Variants in HEXIM2 observed in about 807,000 individuals in gnomAD.
HEXIM2 encodes the protein HEXIM P-TEFb complex subunit 2.
For synonymous variants in HEXIM2, 159 were observed against 162.7 expected (o/e 0.98, Z 0.17); for missense variants, 413 against 390.8 (o/e 1.06, Z -0.48).
At chr17:45,160,392 C>CG (rs1035611120), upstream of HEXIM2, among the ~76,000 whole-genome samples, 4 of 151,980 alleles carry the variant, frequency 2.6e-5, no homozygotes, top group African/African-American at 9.7e-5. Flanking sequence ...ACAAAATACT[C>CG]TGACTTTGTT....
Position 45,169,212 on chromosome 17 carries a change from G to T in HEXIM2, c.264G>T (p.Arg88=), listed in dbSNP as rs1381361767. Residue 88 remains arginine (R), a synonymous_variant, in exon 4 of 4, where the codon CGG becomes CGT. Transcript: ENST00000589230. ...GGCSAEAVLA[R]KKHRRRPSKR... ...GCTCAGCGGAGGCTGTGCTGGCCCG[G>T]AAGAAACACCGTCGGCGGCCATCGA... 6.2e-7 allele frequency: 1 copy of T among 1,613,626 alleles called. No homozygotes were observed. The highest frequency in any genetic ancestry group is 2.2e-5 in the East Asian group (1 of 44,866).
chr17:45,165,185 C>T (rs948355498), intron 3 of HEXIM2, among the ~76,000 whole-genome samples: 8 of 152,144 alleles, frequency 5.3e-5, no homozygotes, highest in African/African-American at 1.9e-4. Context: ...CTTATTTGGC[C>T]CAAGCCACTG....
At chr17:45,163,121 C>T (rs1021637607) in intron 3 of HEXIM2, among the ~76,000 whole-genome samples, 5 of 152,112 alleles carry the variant, frequency 3.3e-5, no homozygotes, top group African/African-American at 1.2e-4. Flanking sequence ...GTCAGGAGTT[C>T]GAGACCAGCC....
chr17:45,162,972 G>T (rs1186580683), intron 3 of HEXIM2, 113 bp downstream of exon 3: 2 of 745,808 alleles, frequency 2.7e-6, no homozygotes, highest in Non-Finnish European at 4.7e-6. Flanking sequence ...GTATTTTGAC[G>T]AATCAGTACT....
intron 3 of HEXIM2, among the ~76,000 whole-genome samples, chr17:45,168,611 G>GT (rs1365590494): frequency 6.6e-6 from 1 of 152,076 alleles, no homozygotes; most frequent in Non-Finnish European, 1.5e-5. Context: ...TGAAAGTCAG[G>GT]TTTTCTGGGA....
upstream of HEXIM2, chr17:45,160,790 G>C: frequency 1.7e-6 from 1 of 588,390 alleles, no homozygotes; most frequent in Non-Finnish European, 2.9e-6. Context: ...TTGAGGGCAA[G>C]AGCCTCAGAG....
At chr17:45,166,803 C>A (rs1481566012) in intron 3 of HEXIM2, among the ~76,000 whole-genome samples, 1 of 151,446 alleles carries the variant, frequency 6.6e-6, no homozygotes, top group Non-Finnish European at 1.5e-5. Context: ...GCGGGTGGAT[C>A]ACTTGATGTC....
intron 3 of HEXIM2, among the ~76,000 whole-genome samples, chr17:45,165,841 C>G (rs1240401183): frequency 6.6e-6 from 1 of 152,140 alleles, no homozygotes; most frequent in Admixed American, 6.6e-5. Context: ...GTTGCCCAGG[C>G]TGGAGTGCAG....
At chr17:45,168,772 A>T (rs1330152513) in intron 3 of HEXIM2, 1 of 522,552 alleles carries the variant, frequency 1.9e-6, no homozygotes, top group Non-Finnish European at 3.4e-6. Context: ...TAGGCATTGA[A>T]ATTACAGAGT....
chr17:45,168,686 C>G (rs1444663120), intron 3 of HEXIM2: 1 of 219,118 alleles, frequency 4.6e-6, no homozygotes, highest in Non-Finnish European at 9.0e-6. Context: ...CACCTTCTAT[C>G]CCAGTTTTCT....
rs182932490 is a variant in HEXIM2 at position 45,168,509 on chromosome 17, G to T, written c.67-506G>T. 2.8e-3 allele frequency among the ~76,000 whole-genome samples: 396 copies of T among 141,114 alleles called. 5 individuals carry two copies. Among genetic ancestry groups the T allele is most frequent in the Admixed American group, 0.02 (281 of 14,330 alleles). 92.6% of individuals were successfully genotyped at this position (141,114 alleles called of 152,430 possible). A position where few individuals can be genotyped will look rare whatever the true frequency, so the allele number is the denominator to read the frequency against. ...ATAAAATAAGGTTTTTTTTTTTTTT[G>T]AATAACATGTTTAAGAGAAGGACAG... is the stretch of plus-strand genomic sequence containing the variant. On this transcript the variant is annotated intron_variant, in intron 3 of 3. Coordinates refer to ENST00000589230, the MANE Select transcript of HEXIM2 (RefSeq NM_001303441.2).
upstream of HEXIM2, chr17:45,161,199 G>A (rs1448574799): frequency 2.2e-5 from 8 of 357,614 alleles, no homozygotes; most frequent in South Asian, 6.2e-5. Context: ...GACCGCAGAG[G>A]GAAGCCGTTT....
At position 45,170,019 on chromosome 17, in the gene HEXIM2, G is replaced by A; in HGVS notation, c.*210G>A. 1 of 447,992 alleles carries A rather than the reference G, an allele frequency of 2.2e-6. No homozygotes were observed. The allele number at this position is 447,992 out of a possible 1,614,324, so 27.8% of individuals were successfully genotyped here. Reference sequence around the variant, plus strand: ...TTACCCTTTACAGAGAAATTAAATGGCCTTGGTGGGACCAAATGGGAGTAT... The same window carrying A: ...TTACCCTTTACAGAGAAATTAAATGACCTTGGTGGGACCAAATGGGAGTAT... On this transcript the variant is annotated 3_prime_UTR_variant, in exon 4 of 4. Coordinates refer to ENST00000589230, the MANE Select transcript of HEXIM2 (RefSeq NM_001303441.2).
intron 3 of HEXIM2, among the ~76,000 whole-genome samples, chr17:45,163,325 C>CAAAAAA (rs11423159): frequency 7.6e-5 from 6 of 78,780 alleles, no homozygotes; most frequent in East Asian, 3.9e-4. Flanking sequence ...GACTCCGTCT[C>CAAAAAA]AAAAAAAAAA....
At chr17:45,160,972 C>A, upstream of HEXIM2, 1 of 1,288,508 alleles carries the variant, frequency 7.8e-7, no homozygotes, top group Non-Finnish European at 1.0e-6. Flanking sequence ...GATCTCCGCT[C>A]TCGGAGCCTC....
rs373964901 is a variant in HEXIM2, at chr17:45,162,649, G to T, written c.-45+14G>T. The T allele has an allele frequency of 3.2e-5, 49 of 1,534,914 alleles. 2 individuals carry two copies. Among genetic ancestry groups the T allele is most frequent in the African/African-American group, 3.1e-4 (23 of 73,428 alleles). ...TTGAGAATAAGGGTATGAAGGGCTG[G>T]GGTACAAAATGGCTGCCACTGCCTG... On this transcript the variant is annotated intron_variant, in intron 2 of 3. Transcript: ENST00000589230.
upstream of HEXIM2, chr17:45,161,118 T>A: frequency 2.2e-6 from 1 of 444,898 alleles, no homozygotes; most frequent in South Asian, 1.7e-5. Flanking sequence ...CTCGCCGCCA[T>A]ACCCAGGCCG....
intron 3 of HEXIM2, among the ~76,000 whole-genome samples, chr17:45,165,028 G>A (rs1311750479): frequency 6.6e-6 from 1 of 152,180 alleles, no homozygotes; most frequent in African/African-American, 2.4e-5. Context: ...AGGGCTAGGG[G>A]GCTGGGCTCG....
rs371648164 is a variant in HEXIM2, at chr17:45,162,857, A to G, written c.64A>G (p.Lys22Glu). ...AESPVALEEAKTSGAPGSPQT... is the reference protein window; with the variant it reads ...AESPVALEEAETSGAPGSPQT... ...GTCACCAGTGGCCCTGGAGGAGGCC[A>G]AGGTAAGTCCCTGCCCTCCTGCCCA... The change falls in exon 3 of 4, where the codon AAG becomes GAG. Residue 22 changes from lysine (K) to glutamate (E), a missense_variant and splice_region_variant. Transcript: ENST00000589230. The G allele has an allele frequency of 3.5e-5, 57 of 1,609,890 alleles. No individual in the cohort carries two copies. In the African/African-American group the frequency reaches 6.9e-4, roughly 20 times the overall value.
Sources: allele counts gnomAD v4.1 joint callset (sites outside exome capture counted in the v4.1 genomes callset), GRCh38; gene constraint gnomAD v4.1.1; transcripts MANE v1.5; gene names NCBI Gene and HGNC (gene_info 2026-07-23, HGNC 2026-07-21).